COL2A1: variants seen among roughly 807,000 people sequenced by gnomAD.
COL2A1 encodes the protein collagen alpha-1(II) chain.
COL2A1 carries 28 observed loss-of-function variants against 204.5 expected under a neutral mutation model. The ratio of observed to expected loss-of-function variants is 0.14; its 90% confidence interval spans 0.10 to 0.19. COL2A1 has a LOEUF of 0.19. COL2A1 is among the 10% of genes least tolerant of loss of function. The probability of loss-of-function intolerance (pLI) is 1.00; values close to 1 mark genes in which losing one functional copy is unlikely to be tolerated. For synonymous variants in COL2A1, 708 were observed against 718.7 expected (o/e 0.99, Z 0.24); for missense variants, 1,388 against 2,027.5 (o/e 0.68, Z 6.06).
chr12:47,973,605 G>A, intron 53 of COL2A1, 52 bp from the exon 54 acceptor site: 1 of 1,609,118 alleles, frequency 6.2e-7, no homozygotes, highest in Non-Finnish European at 8.5e-7. Flanking sequence ...TTGCTACCCA[G>A]TTCCAGCTGC....
intron 1 of COL2A1, 26 bp from the exon 2 acceptor site, chr12:48,000,151 G>A (rs1940166246): frequency 6.4e-7 from 1 of 1,569,212 alleles, no homozygotes; most frequent in Admixed American, 1.7e-5. Context: ...GGAGGGAGAA[G>A]CAGAGAGCCA....
intron 26 of COL2A1, among the ~76,000 whole-genome samples, 193 bp from the exon 27 acceptor site, chr12:47,985,286 A>G (rs1362442330): frequency 6.6e-6 from 1 of 152,192 alleles, no homozygotes; most frequent in African/African-American, 2.4e-5. Flanking sequence ...GCTGCCCCAG[A>G]AAGTGCACAC....
At chr12:48,000,731 G>A (rs1323648663) in intron 1 of COL2A1, among the ~76,000 whole-genome samples, 4 of 152,212 alleles carry the variant, frequency 2.6e-5, no homozygotes, top group Non-Finnish European at 5.9e-5. Flanking sequence ...AGAAAGGGGG[G>A]TGAAAAGACG....
chr12:47,973,979 C>A, intron 53 of COL2A1, 110 bp downstream of exon 53: 1 of 1,513,970 alleles, frequency 6.6e-7, no homozygotes, highest in South Asian at 1.1e-5. Context: ...AAACTCATGC[C>A]TCTGATGATC....
chr12:48,004,508 C>A, upstream of COL2A1: 1 of 525,456 alleles, frequency 1.9e-6, no homozygotes, highest in South Asian at 2.4e-5. Context: ...CCGTTATATG[C>A]GCCCGGCCCC....
Position 47,974,241 on chromosome 12 carries a change from T to C in COL2A1, c.4165A>G (p.Ile1389Val), listed in dbSNP as rs1938578203. The change falls in exon 53 of 54, where the codon ATC becomes GTC. Residue 1389 changes from isoleucine to valine, a missense_variant. Coordinates refer to ENST00000380518, the MANE Select transcript of COL2A1 (RefSeq NM_001844.5). ...ATGCTGTTCTTGCAGTGGTAGGTGA[T>C]GTTCTGGGAGCCTTCCGTGGACAGC... ...RLLSTEGSQNITYHCKNSIAY... is the reference protein window; with the variant it reads ...RLLSTEGSQNVTYHCKNSIAY... The C allele has an allele frequency of 6.2e-7, 1 of 1,614,234 alleles. No individual in the cohort carries two copies. Among genetic ancestry groups the C allele is most frequent in the Non-Finnish European group, 8.5e-7 (1 of 1,180,036 alleles).
At chr12:47,989,861 G>A (rs1939622410) in intron 16 of COL2A1, 56 bp from the exon 17 acceptor site, 2 of 1,531,748 alleles carry the variant, frequency 1.3e-6, no homozygotes, top group Non-Finnish European at 9.0e-7. Context: ...GTCCGTCCCT[G>A]CTCCCAGCCC....
At chr12:48,004,503 A>C (rs1940387808), upstream of COL2A1, 2 of 537,226 alleles carry the variant, frequency 3.7e-6, no homozygotes, top group East Asian at 3.3e-5. Context: ...GGCGCCCGTT[A>C]TATGCGCCCG....
At chr12:47,989,678 A>G in intron 17 of COL2A1, 83 bp downstream of exon 17, 1 of 1,237,684 alleles carries the variant, frequency 8.1e-7, no homozygotes, top group East Asian at 2.3e-5. Context: ...GTTGCACCCA[A>G]TACACCCTGC....
rs375206645 is a variant in COL2A1 at position 47,983,804 on chromosome 12, G to T, written c.1942-68C>A. On this transcript the variant is annotated intron_variant, in intron 29 of 53. Transcript: ENST00000380518. ...GACCCTGAGAGCCACAGCTAGTAGGGCCCAGGGGAGGTCAGCAGGGTGGGC... is the reference window on the plus strand; with the variant it reads ...GACCCTGAGAGCCACAGCTAGTAGGTCCCAGGGGAGGTCAGCAGGGTGGGC... The T allele has an allele frequency of 7.4e-5, 112 of 1,513,850 alleles. 2 individuals are homozygous for T. In the Middle Eastern group the frequency reaches 8.5e-4, roughly 12 times the overall value. 93.8% of individuals were successfully genotyped at this position (1,513,850 alleles called of 1,614,324 possible). A position where few individuals can be genotyped will look rare whatever the true frequency, so the allele number is the denominator to read the frequency against.
At chr12:47,982,663 C>CT in intron 33 of COL2A1, 54 bp from the exon 34 acceptor site, 1 of 1,405,992 alleles carries the variant, frequency 7.1e-7, no homozygotes, top group Non-Finnish European at 1.0e-6. Flanking sequence ...TCCCTGAACC[C>CT]ATGTTCATGG....
intron 2 of COL2A1, among the ~76,000 whole-genome samples, chr12:47,999,546 A>G (rs1940130191): frequency 6.6e-6 from 1 of 152,016 alleles, no homozygotes. Flanking sequence ...TGTCGGTGGC[A>G]GAGGAGGAAT....
chr12:47,977,172 C>T lies in COL2A1; in HGVS notation c.3274-17G>A, dbSNP rs376108759. 13 of 1,610,928 alleles carry T rather than the reference C, an allele frequency of 8.1e-6. No individual in the cohort carries two copies. In the East Asian group the frequency reaches 8.9e-5, roughly 11 times the overall value. On this transcript the variant is annotated splice_polypyrimidine_tract_variant and intron_variant, in intron 46 of 53. Coordinates refer to ENST00000380518, the MANE Select transcript of COL2A1 (RefSeq NM_001844.5). Reference sequence around the variant, plus strand: ...TTGTGCACCCTGAGGAGAGAGTGAGCGCAGCGTCAGAGAAAAGCCAGGACA... The same window carrying T: ...TTGTGCACCCTGAGGAGAGAGTGAGTGCAGCGTCAGAGAAAAGCCAGGACA...
At chr12:48,002,117 C>T (rs1635528) in intron 1 of COL2A1, among the ~76,000 whole-genome samples, 113,939 of 151,962 alleles carry the variant, frequency 0.75, 43,298 homozygotes, top group Middle Eastern at 0.85. Context: ...CACAGGTCTC[C>T]GCGAGGAACC....
chr12:47,997,703 G>A lies in COL2A1; in HGVS notation c.434C>T (p.Ala145Val), dbSNP rs757721177. 2 of 1,613,992 alleles carry A rather than the reference G, an allele frequency of 1.2e-6. No individual in the cohort carries two copies. Among genetic ancestry groups the A allele is most frequent in the Non-Finnish European group, 1.7e-6 (2 of 1,180,024 alleles). ...TCCATCTCTGCCACGAGGTCCAGGG[G>A]CACCCTTGGCATAAAGAGAAAAAGG... ...GDRGDKGEKG[A>V]PGPRGRDGEP... Residue 145 changes from alanine to valine, a missense_variant, in exon 7 of 54, where the codon GCC becomes GTC. Coordinates refer to ENST00000380518, the MANE Select transcript of COL2A1 (RefSeq NM_001844.5).
chr12:47,977,683 G>A lies in COL2A1; in HGVS notation c.3112-30C>T, dbSNP rs372190657. On this transcript the variant is annotated intron_variant, in intron 44 of 53. Coordinates refer to ENST00000380518, the MANE Select transcript of COL2A1 (RefSeq NM_001844.5). ...ACAAAGTGAAACAAGAATGCACTTA[G>A]AGCTGCTTCCTGCCCATCTCCCCCT... is the stretch of plus-strand genomic sequence containing the variant. The A allele has an allele frequency of 3.1e-6, 5 of 1,612,494 alleles. No homozygotes were observed. The African/African-American group carries it at 4.0e-5, about 13-fold the overall frequency.
At chr12:47,986,549 G>C (rs1043516450) in intron 22 of COL2A1, 106 bp from the exon 23 acceptor site, 52 of 682,534 alleles carry the variant, frequency 7.6e-5, no homozygotes, top group Non-Finnish European at 9.6e-5. Flanking sequence ...TTTCAGGGCT[G>C]GGGGGGGGCT....
At chr12:47,977,679 C>T (rs2136523108) in intron 44 of COL2A1, 26 bp from the exon 45 acceptor site, 1 of 1,612,882 alleles carries the variant, frequency 6.2e-7, no homozygotes, top group Non-Finnish European at 8.5e-7. Context: ...CAAGAATGCA[C>T]TTAGAGCTGC....
At chr12:47,984,016 G>A (rs1592214164) in intron 29 of COL2A1, 71 bp downstream of exon 29, 1 of 1,345,252 alleles carries the variant, frequency 7.4e-7, no homozygotes, top group Admixed American at 1.9e-5. Context: ...ATTAATGGAT[G>A]GGCTCTCCCA....
Sources: allele counts gnomAD v4.1 joint callset (sites outside exome capture counted in the v4.1 genomes callset), GRCh38; gene constraint gnomAD v4.1.1; transcripts MANE v1.5; gene names NCBI Gene and HGNC (gene_info 2026-07-23, HGNC 2026-07-21).